The following ZBTB20 variants were observed in gnomAD, a reference collection of about 807,000 sequenced individuals.
The protein encoded by ZBTB20 is zinc finger and BTB domain containing 20, also known as zinc finger and BTB domain-containing protein 20.
In ZBTB20, 9 loss-of-function variants were observed where a neutral mutation model predicts 56.9. The ratio of observed to expected loss-of-function variants is 0.16; its 90% CI spans 0.10 to 0.28. The LOEUF (loss-of-function observed/expected upper bound fraction) is 0.28, where lower values mean the gene tolerates loss of function less well. ZBTB20 is among the 10% of genes least tolerant of loss of function. ZBTB20 has a pLI of 1.00. For missense variants in ZBTB20, 655 were observed against 1,003.0 expected, an observed-to-expected ratio of 0.65 and a Z score of 4.69; for synonymous variants, 417 against 420.7, an observed-to-expected ratio of 0.99 and a Z score of 0.11.
chr3:114,428,934 T>C (rs543718772), intron 7 of ZBTB20, among the ~76,000 whole-genome samples: 1 of 152,266 alleles, frequency 6.6e-6, no homozygotes, highest in African/African-American at 2.4e-5. Flanking sequence ...GATTTGGGGC[T>C]ATGAGGAATC....
At chr3:114,889,092 T>C (rs984665691) in intron 4 of ZBTB20, among the ~76,000 whole-genome samples, 1 of 151,960 alleles carries the variant, frequency 6.6e-6, no homozygotes, top group African/African-American at 2.4e-5. Context: ...TTTGAAAATA[T>C]ATTTTACACA....
intron 5 of ZBTB20, among the ~76,000 whole-genome samples, chr3:114,789,933 C>G (rs758064957): frequency 6.6e-6 from 1 of 152,070 alleles, no homozygotes; most frequent in Non-Finnish European, 1.5e-5. Flanking sequence ...ATAAGTGAAA[C>G]ATGATGTAAT....
chr3:114,595,130 A>T (rs2056198653), intron 6 of ZBTB20, among the ~76,000 whole-genome samples: 1 of 152,164 alleles, frequency 6.6e-6, no homozygotes, highest in African/African-American at 2.4e-5. Context: ...GCCCTTGGGA[A>T]ATTCATTTGT....
chr3:114,521,532 A>T (rs2046635170), intron 6 of ZBTB20, among the ~76,000 whole-genome samples: 1 of 152,108 alleles, frequency 6.6e-6, no homozygotes, highest in Non-Finnish European at 1.5e-5. Flanking sequence ...AACGTTTTTC[A>T]CATTTCTACC....
chr3:114,404,710 A>G (rs963187906), intron 7 of ZBTB20, among the ~76,000 whole-genome samples: 2 of 152,126 alleles, frequency 1.3e-5, no homozygotes, highest in African/African-American at 4.8e-5. Context: ...CTTTACATAA[A>G]CAAAGGAGCT....
chr3:114,477,989 CT>C (rs1298035022), intron 7 of ZBTB20, among the ~76,000 whole-genome samples: 1 of 81,358 alleles, frequency 1.2e-5, no homozygotes, highest in East Asian at 4.3e-4. Context: ...CTCTTTCTTT[CT>C]TTTTTTTGAG....
intron 6 of ZBTB20, among the ~76,000 whole-genome samples, chr3:114,517,618 C>T (rs1038487622): frequency 6.6e-6 from 1 of 151,780 alleles, no homozygotes; most frequent in Non-Finnish European, 1.5e-5. Flanking sequence ...TCTCTGTTGC[C>T]CAGGCTGAAG....
chr3:114,763,045 A>G (rs1247442707), intron 5 of ZBTB20, among the ~76,000 whole-genome samples: 1 of 152,218 alleles, frequency 6.6e-6, no homozygotes, highest in Non-Finnish European at 1.5e-5. Context: ...TTATATAAAT[A>G]CCTGACACCT....
chr3:115,133,876 T>C (rs1398169032), intron 1 of ZBTB20, among the ~76,000 whole-genome samples: 1 of 152,226 alleles, frequency 6.6e-6, no homozygotes, highest in Non-Finnish European at 1.5e-5. Context: ...TGCTATCACT[T>C]CTCTTGAGTA....
intron 6 of ZBTB20, among the ~76,000 whole-genome samples, chr3:114,681,623 T>C (rs1276901207): frequency 6.6e-6 from 1 of 152,226 alleles, no homozygotes; most frequent in African/African-American, 2.4e-5. Context: ...TGTATTTTAA[T>C]AGAGGGTTTA....
intron 6 of ZBTB20, among the ~76,000 whole-genome samples, chr3:114,583,892 T>C (rs1031453017): frequency 6.6e-6 from 1 of 152,222 alleles, no homozygotes; most frequent in African/African-American, 2.4e-5. Context: ...TGAGGGAGTA[T>C]TGCCTGAAAT....
chr3:115,013,908 A>ATGTGTGTGTGTGTGTGTGTG (rs35762117), intron 2 of ZBTB20, among the ~76,000 whole-genome samples: 5 of 147,756 alleles, frequency 3.4e-5, no homozygotes, highest in African/African-American at 9.9e-5. Context: ...CAATCCCTAT[A>ATGTGTGTGTGTGTGTGTGTG]TGTGTGTGTG....
intron 6 of ZBTB20, among the ~76,000 whole-genome samples, chr3:114,606,325 C>T (rs2057149470): frequency 6.6e-6 from 1 of 152,160 alleles, no homozygotes; most frequent in Non-Finnish European, 1.5e-5. Flanking sequence ...CTGCACACCC[C>T]TGCTTGTTAA....
chr3:115,070,657 A>G (rs1198856243), intron 2 of ZBTB20, among the ~76,000 whole-genome samples: 1 of 152,110 alleles, frequency 6.6e-6, no homozygotes, highest in Non-Finnish European at 1.5e-5. Flanking sequence ...TACACTAGAA[A>G]AGTAATACAT....
Position 115,034,731 on chromosome 3 carries a change from T to C in ZBTB20, c.-507+36488A>G, listed in dbSNP as rs137905891. Among the ~76,000 whole-genome samples, 34 of 151,922 alleles carry C rather than the reference T, an allele frequency of 2.2e-4. No homozygotes were observed. In the East Asian group the frequency reaches 5.2e-3, roughly 23 times the overall value. ...GAAATAGAAAAACTCATCCCAAAATTCACACGAAGTATCAGAGAACCCCCA... is the reference window on the plus strand; with the variant it reads ...GAAATAGAAAAACTCATCCCAAAATCCACACGAAGTATCAGAGAACCCCCA... On this transcript the variant is annotated intron_variant, in intron 2 of 11. Coordinates refer to ENST00000675478, the MANE Select transcript of ZBTB20 (RefSeq NM_001348800.3).
chr3:115,127,736 G>A (rs2084374433), intron 1 of ZBTB20, among the ~76,000 whole-genome samples: 1 of 152,164 alleles, frequency 6.6e-6, no homozygotes, highest in South Asian at 2.1e-4. Context: ...ACTGACCGCT[G>A]AATAAGATAA....
chr3:114,404,178 C>T (rs1051305756), intron 7 of ZBTB20, among the ~76,000 whole-genome samples: 6 of 152,146 alleles, frequency 3.9e-5, no homozygotes, highest in African/African-American at 1.4e-4. Flanking sequence ...AATAATCCTT[C>T]CTTTCTTTGT....
At chr3:115,066,696 A>G (rs2082219818) in intron 2 of ZBTB20, among the ~76,000 whole-genome samples, 1 of 152,048 alleles carries the variant, frequency 6.6e-6, no homozygotes. Context: ...ATAGGCACCT[A>G]CTTATCCCTC....
At chr3:115,090,079 C>T (rs2083130598) in intron 1 of ZBTB20, among the ~76,000 whole-genome samples, 1 of 151,726 alleles carries the variant, frequency 6.6e-6, no homozygotes, top group East Asian at 1.9e-4. Context: ...AGCCCAAATA[C>T]CAGTCTAGAG....
Sources: gnomAD v4.1 joint callset for allele counts (sites outside exome capture counted in the v4.1 genomes callset) on GRCh38, gnomAD v4.1.1 for gene constraint, MANE v1.5 for transcripts, NCBI Gene and HGNC (gene_info 2026-07-23, HGNC 2026-07-21) for gene names.